Variants in FAM193A observed in about 807,000 individuals in gnomAD.
FAM193A encodes the protein protein FAM193A.
A neutral mutation model predicts 126.5 loss-of-function variants in FAM193A; 22 were observed. The ratio of observed to expected loss-of-function variants is 0.17; its 90% CI spans 0.12 to 0.25. The LOEUF is 0.25. Among genes scored for constraint, FAM193A ranks in the 10% least tolerant of loss-of-function variants. FAM193A has a pLI of 1.00. For synonymous variants in FAM193A, 761 were observed against 646.8 expected, an observed-to-expected ratio of 1.18 and a Z score of -2.68; for missense variants, 1,675 against 1,672.8, an observed-to-expected ratio of 1.00 and a Z score of -0.02.
intron 19 of FAM193A, among the ~76,000 whole-genome samples, chr4:2,712,601 T>C (rs1719101313): frequency 6.6e-6 from 1 of 152,192 alleles, no homozygotes; most frequent in African/African-American, 2.4e-5. Flanking sequence ...GGACGTTCTC[T>C]TGTGTGAAGC....
At chr4:2,637,304 G>A (rs1302066757) in intron 5 of FAM193A, among the ~76,000 whole-genome samples, 1 of 152,190 alleles carries the variant, frequency 6.6e-6, no homozygotes, top group African/African-American at 2.4e-5. Context: ...TCCAGCCTGG[G>A]CGACAGAGTG....
At chr4:2,574,376 C>T (rs1739463317) in intron 1 of FAM193A, among the ~76,000 whole-genome samples, 1 of 152,168 alleles carries the variant, frequency 6.6e-6, no homozygotes, top group Non-Finnish European at 1.5e-5. Flanking sequence ...AGTGCCCAGG[C>T]GTCCTGTGCT....
intron 1 of FAM193A, among the ~76,000 whole-genome samples, chr4:2,567,016 T>A (rs556733730): frequency 6.6e-6 from 1 of 151,126 alleles, no homozygotes; most frequent in South Asian, 2.1e-4. Flanking sequence ...CTCGGCTCAC[T>A]GCAAGCTCCG....
At position 2,662,988 on chromosome 4, in the gene FAM193A, T is replaced by C. The variant is rs753771567; in HGVS notation, c.1896T>C (p.Asp632=). The change falls in exon 11 of 21, where the codon GAT becomes GAC. Residue 632 remains aspartate (D), a synonymous_variant. Coordinates refer to ENST00000637812, the MANE Select transcript of FAM193A (RefSeq NM_001366318.2). Reference sequence around the variant, plus strand: ...GCGGGGAAAACATGGCCCTGAAGGATGAGGTATGGACATGGCTTCTTCGTA... The same window carrying C: ...GCGGGGAAAACATGGCCCTGAAGGACGAGGTATGGACATGGCTTCTTCGTA... ...NGGGENMALK[D]ESPQISSTSS... is the part of the protein sequence containing the mutation. 1 of 1,612,144 alleles carries C rather than the reference T, an allele frequency of 6.2e-7. No homozygotes were observed. Among genetic ancestry groups the C allele is most frequent in the Admixed American group, 1.7e-5 (1 of 59,982 alleles).
chr4:2,712,333 T>C (rs909464732), intron 19 of FAM193A, among the ~76,000 whole-genome samples: 2 of 152,232 alleles, frequency 1.3e-5, no homozygotes, highest in Non-Finnish European at 2.9e-5. Flanking sequence ...TGGCTTATTA[T>C]TAATATGTTT....
At chr4:2,607,152 T>A (rs992174083) in intron 2 of FAM193A, among the ~76,000 whole-genome samples, 19 of 152,214 alleles carry the variant, frequency 1.2e-4, no homozygotes, top group African/African-American at 4.6e-4. Flanking sequence ...TCCCACTTCG[T>A]CACGCAGAAT....
At chr4:2,684,858 C>T (rs1443217640) in intron 13 of FAM193A, among the ~76,000 whole-genome samples, 4 of 152,212 alleles carry the variant, frequency 2.6e-5, no homozygotes, top group African/African-American at 9.7e-5. Context: ...AGCTAAGTAG[C>T]CCCTCTTACC....
intron 1 of FAM193A, among the ~76,000 whole-genome samples, chr4:2,574,804 TTA>T (rs1166172922): frequency 2.6e-5 from 4 of 152,204 alleles, no homozygotes; most frequent in African/African-American, 9.6e-5. Context: ...TTTAAAAATT[TTA>T]TCTTTTTAGT....
intron 2 of FAM193A, among the ~76,000 whole-genome samples, chr4:2,597,150 C>G (rs1013561060): frequency 6.6e-6 from 1 of 152,138 alleles, no homozygotes; most frequent in Non-Finnish European, 1.5e-5. Flanking sequence ...AGTTTCTATC[C>G]TTGGGGTCTC....
intron 13 of FAM193A, among the ~76,000 whole-genome samples, chr4:2,675,386 G>T (rs1714279784): frequency 6.6e-6 from 1 of 152,128 alleles, no homozygotes; most frequent in African/African-American, 2.4e-5. Flanking sequence ...GTTTCTCCTT[G>T]CACAGTTCTA....
At chr4:2,689,473 T>A (rs781172768) in intron 13 of FAM193A, 33 bp from the exon 14 acceptor site, 13 of 1,491,820 alleles carry the variant, frequency 8.7e-6, no homozygotes, top group Non-Finnish European at 1.1e-5. Context: ...GAATATTAAT[T>A]TTGATATGTG....
intron 5 of FAM193A, among the ~76,000 whole-genome samples, chr4:2,634,418 TAAAA>T (rs746958272): frequency 1.3e-5 from 2 of 151,942 alleles, no homozygotes; most frequent in African/African-American, 4.8e-5. Context: ...CAGCTCACAG[TAAAA>T]AAAGTCATAA....
At chr4:2,642,070 C>A (rs935822357) in intron 6 of FAM193A, among the ~76,000 whole-genome samples, 2 of 145,694 alleles carry the variant, frequency 1.4e-5, no homozygotes, top group African/African-American at 5.1e-5. Context: ...GCGGGCAGAT[C>A]ATGAGGTCAG....
At chr4:2,605,604 T>C (rs1377521832) in intron 2 of FAM193A, among the ~76,000 whole-genome samples, 2 of 152,236 alleles carry the variant, frequency 1.3e-5, no homozygotes, top group African/African-American at 4.8e-5. Flanking sequence ...AGGTGGTTTA[T>C]ATACTTGACT....
intron 2 of FAM193A, among the ~76,000 whole-genome samples, chr4:2,613,178 C>T (rs1373197291): frequency 2.0e-5 from 3 of 152,140 alleles, no homozygotes; most frequent in Non-Finnish European, 4.4e-5. Context: ...TGGCTCATAC[C>T]TGTAATCCAG....
chr4:2,592,459 G>T (rs1252574637), intron 1 of FAM193A, among the ~76,000 whole-genome samples: 1 of 152,186 alleles, frequency 6.6e-6, no homozygotes, highest in African/African-American at 2.4e-5. Flanking sequence ...GTAACTAGAA[G>T]TGGATTTATC....
chr4:2,725,158 C>A (rs561137503), intron 20 of FAM193A, among the ~76,000 whole-genome samples: 2 of 152,116 alleles, frequency 1.3e-5, no homozygotes, highest in Admixed American at 6.6e-5. Context: ...GGATTACAGG[C>A]GTGAGCCACC....
chr4:2,558,563 G>C (rs189955143), intron 1 of FAM193A, among the ~76,000 whole-genome samples: 4 of 152,212 alleles, frequency 2.6e-5, no homozygotes, highest in Non-Finnish European at 5.9e-5. Context: ...AATTTTTCTG[G>C]GGGGGATGAG....
At chr4:2,719,424 G>C (rs1719874561) in intron 20 of FAM193A, among the ~76,000 whole-genome samples, 1 of 152,138 alleles carries the variant, frequency 6.6e-6, no homozygotes, top group Non-Finnish European at 1.5e-5. Context: ...TTTATCCCAG[G>C]AACGCAAATA....
Sources: gnomAD v4.1 joint callset for allele counts (sites outside exome capture counted in the v4.1 genomes callset) on GRCh38, gnomAD v4.1.1 for gene constraint, MANE v1.5 for transcripts, NCBI Gene and HGNC (gene_info 2026-07-23, HGNC 2026-07-21) for gene names.